The following ESR1 variants were observed in gnomAD, a reference collection of about 807,000 sequenced individuals.
ESR1 encodes estrogen receptor.
ESR1 carries 12 observed loss-of-function variants against 52.7 expected under a neutral mutation model. That is an observed-to-expected ratio of 0.23 (90% confidence interval 0.15 to 0.37). ESR1 has a LOEUF of 0.37. ESR1 is among the 10% of genes least tolerant of loss of function. The probability of loss-of-function intolerance (pLI) is 1.00; values close to 1 mark genes in which losing one functional copy is unlikely to be tolerated. For missense variants in ESR1, 584 were observed against 779.7 expected (o/e 0.75, Z 2.99); for synonymous variants, 305 against 316.8 (o/e 0.96, Z 0.39).
At chr6:151,789,321 C>CTCA (rs1491081282) in intron 2 of ESR1, among the ~76,000 whole-genome samples, 6 of 152,116 alleles carry the variant, frequency 3.9e-5, no homozygotes, top group African/African-American at 1.4e-4. Context: ...ATTTTCAAAC[C>CTCA]TCTTTTTACT....
At chr6:152,015,573 T>C (rs1461763200) in intron 5 of ESR1, among the ~76,000 whole-genome samples, 1 of 152,168 alleles carries the variant, frequency 6.6e-6, no homozygotes, top group East Asian at 1.9e-4. Context: ...CCAACAAATA[T>C]TTGTTAATTG....
chr6:151,866,632 C>T (rs1172388790), intron 2 of ESR1, among the ~76,000 whole-genome samples: 2 of 152,160 alleles, frequency 1.3e-5, no homozygotes, highest in Non-Finnish European at 2.9e-5. Flanking sequence ...CCAGCTTCAT[C>T]CATGTCCCTA....
chr6:151,795,649 G>A (rs1030745145), intron 2 of ESR1, among the ~76,000 whole-genome samples: 7 of 152,116 alleles, frequency 4.6e-5, no homozygotes, highest in Admixed American at 1.3e-4. Context: ...AAATTGTACA[G>A]GCGTTATGAA....
intron 2 of ESR1, among the ~76,000 whole-genome samples, chr6:151,876,279 G>T (rs1207926270): frequency 6.6e-6 from 1 of 152,116 alleles, no homozygotes; most frequent in Non-Finnish European, 1.5e-5. Flanking sequence ...CGTCAGTTCT[G>T]TCTGGGGCAC....
chr6:151,757,769 G>A (rs1302795581), intron 2 of ESR1, among the ~76,000 whole-genome samples: 2 of 152,184 alleles, frequency 1.3e-5, no homozygotes, highest in Non-Finnish European at 2.9e-5. Flanking sequence ...CACGACCGAG[G>A]AGACAAAACA....
At chr6:152,067,114 C>T (rs981972642) in intron 6 of ESR1, among the ~76,000 whole-genome samples, 12 of 152,168 alleles carry the variant, frequency 7.9e-5, no homozygotes, top group African/African-American at 2.7e-4. Flanking sequence ...GAGAATTTCA[C>T]CCCTGCGCTT....
At chr6:152,119,843 C>T (rs1227342064) in intron 6 of ESR1, among the ~76,000 whole-genome samples, 1 of 152,242 alleles carries the variant, frequency 6.6e-6, no homozygotes, top group East Asian at 1.9e-4. Flanking sequence ...TCTGGCGTGG[C>T]CCTTGCTAAA....
At chr6:151,891,574 G>C (rs1323748183) in intron 3 of ESR1, among the ~76,000 whole-genome samples, 1 of 152,128 alleles carries the variant, frequency 6.6e-6, no homozygotes, top group East Asian at 1.9e-4. Context: ...GCACCTTTTT[G>C]TTTTTCAGTT....
At chr6:151,754,327 T>TA (rs1784121693) in intron 2 of ESR1, among the ~76,000 whole-genome samples, 2 of 25,688 alleles carry the variant, frequency 7.8e-5, no homozygotes. Context: ...TCTATTGCTA[T>TA]TTTTTTTTTT....
At chr6:151,836,896 T>C (rs1236533970) in intron 1 of ESR1, among the ~76,000 whole-genome samples, 3 of 152,228 alleles carry the variant, frequency 2.0e-5, no homozygotes, top group Admixed American at 6.5e-5. Context: ...CCAAGGCTTC[T>C]TAAATTTTTA....
At chr6:151,875,339 C>G (rs1397590702) in intron 2 of ESR1, among the ~76,000 whole-genome samples, 1 of 152,174 alleles carries the variant, frequency 6.6e-6, no homozygotes, top group Non-Finnish European at 1.5e-5. Context: ...CCTTCCCACT[C>G]ATTACTTCCT....
chr6:151,908,025 A>G (rs866810100), intron 3 of ESR1, among the ~76,000 whole-genome samples: 19 of 152,224 alleles, frequency 1.2e-4, no homozygotes, highest in African/African-American at 7.2e-5. Context: ...CTGGAAGGGT[A>G]TGTAACAAAA....
At chr6:151,674,931 C>T (rs890968837) in intron 1 of ESR1, among the ~76,000 whole-genome samples, 3 of 152,104 alleles carry the variant, frequency 2.0e-5, no homozygotes, top group African/African-American at 7.2e-5. Flanking sequence ...GCTATGTTTT[C>T]AAAAGGTGAA....
At chr6:151,781,269 G>A (rs998516228) in intron 2 of ESR1, among the ~76,000 whole-genome samples, 1 of 152,212 alleles carries the variant, frequency 6.6e-6, no homozygotes. Flanking sequence ...AGGTTGGAAA[G>A]TCTGATATCA....
At chr6:151,804,262 A>C (rs562630273), upstream of ESR1, among the ~76,000 whole-genome samples, 45 of 152,324 alleles carry the variant, frequency 3.0e-4, no homozygotes, top group Non-Finnish European at 4.9e-4. Flanking sequence ...TCTTGGGCTA[A>C]CTTTGATTGT....
chr6:151,909,319 T>C (rs1318740620), intron 3 of ESR1, among the ~76,000 whole-genome samples: 2 of 152,130 alleles, frequency 1.3e-5, no homozygotes, highest in African/African-American at 4.8e-5. Flanking sequence ...GGCCATGACT[T>C]GGGGAGTCTC....
chr6:151,934,063 G>T (rs990715161), intron 3 of ESR1, among the ~76,000 whole-genome samples: 1 of 152,142 alleles, frequency 6.6e-6, no homozygotes, highest in East Asian at 1.9e-4. Context: ...ACCTTAGCTG[G>T]CATGGCCCTG....
intron 3 of ESR1, among the ~76,000 whole-genome samples, chr6:151,917,212 A>G (rs1346784626): frequency 6.6e-6 from 1 of 152,184 alleles, no homozygotes; most frequent in Non-Finnish European, 1.5e-5. Flanking sequence ...CAAGCTAGAG[A>G]AGGAAAACTG....
chr6:151,702,565 A>G (rs1418782706), intron 2 of ESR1, among the ~76,000 whole-genome samples: 1 of 152,216 alleles, frequency 6.6e-6, no homozygotes, highest in Non-Finnish European at 1.5e-5. Context: ...TGACCTACCT[A>G]AAAATAGAGA....
Sources: allele counts gnomAD v4.1 joint callset (sites outside exome capture counted in the v4.1 genomes callset), GRCh38; gene constraint gnomAD v4.1.1; transcripts MANE v1.5; gene names NCBI Gene and HGNC (gene_info 2026-07-23, HGNC 2026-07-21).